USP14: variants seen among roughly 807,000 people sequenced by gnomAD.
USP14 encodes ubiquitin carboxyl-terminal hydrolase 14.
A neutral mutation model predicts 76.5 loss-of-function variants in USP14; 38 were observed. That is an observed-to-expected ratio of 0.50 (90% CI 0.38 to 0.65). The LOEUF is 0.65. Among genes scored for constraint, USP14 ranks in the 30% least tolerant of loss-of-function variants. The pLI, the probability that USP14 is intolerant of heterozygous loss-of-function variation, is 0.00. For synonymous variants in USP14, 192 were observed against 191.7 expected (o/e 1.00, Z -0.01); for missense variants, 467 against 586.5 (o/e 0.80, Z 2.10).
chr18:173,215 C>G (rs190064655), intron 3 of USP14, among the ~76,000 whole-genome samples: 2 of 150,378 alleles, frequency 1.3e-5, no homozygotes, highest in Non-Finnish European at 1.5e-5. Flanking sequence ...TCACGCCATT[C>G]TCCTGCCTCA....
At position 172,387 on chromosome 18, in the gene USP14, C is replaced by T. The variant is rs181967145; in HGVS notation, c.195+5568C>T. Among the ~76,000 whole-genome samples, 461 of 152,262 alleles carry T rather than the reference C, an allele frequency of 3.0e-3. 1 individual carries two copies. Among genetic ancestry groups the T allele is most frequent in the African/African-American group, 0.01 (436 of 41,544 alleles). On this transcript the variant is annotated intron_variant, in intron 3 of 15. Coordinates refer to ENST00000261601, the MANE Select transcript of USP14 (RefSeq NM_005151.4). The stretch of plus-strand genomic sequence containing the variant: ...ATAGACTCTACTCCTAGTGAAGAAG[C>T]TGTGAATGTTGTTGAAATGACAATA...
chr18:173,561 A>G (rs1909537275), intron 3 of USP14, among the ~76,000 whole-genome samples: 1 of 151,694 alleles, frequency 6.6e-6, no homozygotes, highest in South Asian at 2.1e-4. Flanking sequence ...AAAGGCATGC[A>G]CCACCACACC....
Position 211,851 on chromosome 18 carries a change from TTAAAA to T in USP14, c.*572_*576del, listed in dbSNP as rs1439166029. 1.3e-5 allele frequency: 2 copies of T among 152,666 alleles called. No individual in the cohort carries two copies. Among genetic ancestry groups the T allele is most frequent in the Admixed American group, 6.5e-5 (1 of 15,288 alleles). The allele number at this position is 152,666 out of a possible 1,614,324, so 9.5% of individuals were successfully genotyped here. ...AGCCTATTGCAGGCTTTTCCTGACT[TTAAAA>T]TAAATTGTGATCAATAATAGTACCT... On this transcript the variant is annotated 3_prime_UTR_variant, in exon 16 of 16. Coordinates refer to ENST00000261601, the MANE Select transcript of USP14 (RefSeq NM_005151.4).
chr18:181,491 T>C (rs1479716846), intron 5 of USP14, among the ~76,000 whole-genome samples: 3 of 152,240 alleles, frequency 2.0e-5, no homozygotes, highest in African/African-American at 7.2e-5. Flanking sequence ...GAAATGTCTG[T>C]TTAAATCTTT....
intron 6 of USP14, among the ~76,000 whole-genome samples, chr18:193,164 T>G (rs995964649): frequency 6.6e-6 from 1 of 152,194 alleles, no homozygotes; most frequent in Non-Finnish European, 1.5e-5. Context: ...GTATAATACA[T>G]ATCTTTGGGG....
chr18:169,494 C>CT (rs1318026375), intron 3 of USP14, among the ~76,000 whole-genome samples: 141 of 134,660 alleles, frequency 1.0e-3, no homozygotes, highest in African/African-American at 3.7e-3. Context: ...ATTTTTTTTT[C>CT]TTTTTTTCTG....
At chr18:171,578 G>A (rs1309798131) in intron 3 of USP14, among the ~76,000 whole-genome samples, 1 of 152,134 alleles carries the variant, frequency 6.6e-6, no homozygotes, top group African/African-American at 2.4e-5. Flanking sequence ...AATGCATCTA[G>A]TCACTTAAGA....
At chr18:169,337 G>A (rs1301379127) in intron 3 of USP14, among the ~76,000 whole-genome samples, 2 of 145,458 alleles carry the variant, frequency 1.4e-5, no homozygotes, top group Non-Finnish European at 3.0e-5. Flanking sequence ...CTCCAACCTG[G>A]GCAACAGAGC....
At chr18:183,337 C>G (rs1207702248) in intron 5 of USP14, among the ~76,000 whole-genome samples, 3 of 148,080 alleles carry the variant, frequency 2.0e-5, no homozygotes, top group Non-Finnish European at 4.5e-5. Context: ...TTTTTTCTTT[C>G]CCCCAGTTTT....
intron 13 of USP14, among the ~76,000 whole-genome samples, chr18:205,810 ACT>A (rs1910513786): frequency 1.3e-5 from 2 of 151,834 alleles, no homozygotes; most frequent in African/African-American, 4.8e-5. Context: ...CGAAATAAAA[ACT>A]CTTCCACTTT....
intron 13 of USP14, among the ~76,000 whole-genome samples, chr18:208,839 G>A (rs1408391656): frequency 6.6e-6 from 1 of 152,108 alleles, no homozygotes; most frequent in African/African-American, 2.4e-5. Context: ...TCTGCCTCCT[G>A]GGTTCAAGCA....
At position 212,876 on chromosome 18, in the gene USP14, A is replaced by G. The variant is rs1354518396; in HGVS notation, c.*1592A>G. On this transcript the variant is annotated 3_prime_UTR_variant, in exon 16 of 16. Transcript: ENST00000261601. ...TCATATCTTTGTGTATGTTGTTTTA[A>G]TGCTCGGCAGAGCACAACACTGATG... 1 of 152,208 alleles carries G rather than the reference A, an allele frequency of 6.6e-6. No homozygotes were observed. The highest frequency in any genetic ancestry group is 2.4e-5 in the African/African-American group (1 of 41,456). The allele number at this position is 152,208 out of a possible 1,614,324, so 9.4% of individuals were successfully genotyped here. A position where few individuals can be genotyped will look rare whatever the true frequency, so the allele number is the denominator to read the frequency against.
chr18:204,823 A>C, intron 13 of USP14, 131 bp downstream of exon 13: 1 of 660,028 alleles, frequency 1.5e-6, no homozygotes, highest in Non-Finnish European at 2.3e-6. Context: ...TATTTGGATC[A>C]ATCTGTATTA....
chr18:198,270 T>G (rs1246880060), intron 9 of USP14, 138 bp downstream of exon 9: 21 of 689,532 alleles, frequency 3.0e-5, no homozygotes, highest in Non-Finnish European at 4.5e-5. Context: ...GGAGTTTCGC[T>G]CTTGTCGCCC....
chr18:172,231 CT>C (rs1197508387), intron 3 of USP14, among the ~76,000 whole-genome samples: 1 of 152,092 alleles, frequency 6.6e-6, no homozygotes, highest in Non-Finnish European at 1.5e-5. Flanking sequence ...GAGTGAGACC[CT>C]GTATCTAAAA....
chr18:178,208 T>C (rs2144231917), intron 3 of USP14, among the ~76,000 whole-genome samples: 1 of 152,150 alleles, frequency 6.6e-6, no homozygotes, highest in African/African-American at 2.4e-5. Flanking sequence ...TTTGTAGAGA[T>C]GGGATTTCGC....
At chr18:166,518 A>C (rs1229774801) in intron 2 of USP14, among the ~76,000 whole-genome samples, 2 of 152,006 alleles carry the variant, frequency 1.3e-5, no homozygotes, top group African/African-American at 4.8e-5. Flanking sequence ...TTTTTAGTAG[A>C]GATGGAGTTT....
intron 8 of USP14, 96 bp from the exon 9 acceptor site, chr18:197,951 T>A (rs1001513753): frequency 3.6e-6 from 4 of 1,111,152 alleles, no homozygotes; most frequent in African/African-American, 1.6e-5. Flanking sequence ...AGGGACTACA[T>A]TTTTAAAAAA....
intron 3 of USP14, among the ~76,000 whole-genome samples, chr18:169,230 A>C (rs1909369568): frequency 6.6e-6 from 1 of 151,912 alleles, no homozygotes; most frequent in Non-Finnish European, 1.5e-5. Flanking sequence ...GTCTCTATTA[A>C]AAATACAAAA....
Sources: gnomAD v4.1 joint callset for allele counts (sites outside exome capture counted in the v4.1 genomes callset) on GRCh38, gnomAD v4.1.1 for gene constraint, MANE v1.5 for transcripts, NCBI Gene and HGNC (gene_info 2026-07-23, HGNC 2026-07-21) for gene names.